The following NCS1 variants were observed in gnomAD, a reference collection of about 807,000 sequenced individuals.
NCS1 encodes frequenin homolog.
A neutral mutation model predicts 28.4 loss-of-function variants in NCS1; 6 were observed. The ratio of observed to expected loss-of-function variants is 0.21; its 90% CI spans 0.12 to 0.42. The LOEUF (loss-of-function observed/expected upper bound fraction) is 0.42, where lower values mean the gene tolerates loss of function less well. Among genes scored for constraint, NCS1 ranks in the 10% least tolerant of loss-of-function variants. The probability of loss-of-function intolerance (pLI) is 1.00; values close to 1 mark genes in which losing one functional copy is unlikely to be tolerated. For synonymous variants in NCS1, 86 were observed against 99.3 expected (o/e 0.87, Z 0.79); for missense variants, 131 against 241.4 (o/e 0.54, Z 3.03).
intron 2 of NCS1, among the ~76,000 whole-genome samples, chr9:130,213,854 C>T (rs886175053): frequency 1.3e-5 from 2 of 152,252 alleles, no homozygotes; most frequent in African/African-American, 4.8e-5. Flanking sequence ...GCTGGAATTA[C>T]AGGCGTGAGC....
chr9:130,220,753 CTTTTT>C (rs58649256), intron 4 of NCS1, among the ~76,000 whole-genome samples: 4 of 143,208 alleles, frequency 2.8e-5, no homozygotes, highest in Non-Finnish European at 4.6e-5. Context: ...TTCTTTCTTT[CTTTTT>C]TTTTTTTTTA....
intron 2 of NCS1, among the ~76,000 whole-genome samples, chr9:130,210,417 A>G (rs1410818145): frequency 7.0e-6 from 1 of 142,484 alleles, no homozygotes; most frequent in Non-Finnish European, 1.5e-5. Context: ...AAAAAAAAAG[A>G]AAGAAAGGGA....
intron 2 of NCS1, among the ~76,000 whole-genome samples, chr9:130,211,815 C>T (rs1355893996): frequency 3.9e-5 from 6 of 152,176 alleles, no homozygotes; most frequent in Non-Finnish European, 8.8e-5. Context: ...CTCAACAGCC[C>T]GTGGCCTGTC....
At chr9:130,197,956 CTT>C (rs541013502) in intron 1 of NCS1, among the ~76,000 whole-genome samples, 205 of 124,726 alleles carry the variant, frequency 1.6e-3, no homozygotes, top group African/African-American at 5.7e-3. Context: ...CAGAGCAAGA[CTT>C]TGTCTCCAGA....
rs1554905109 is a variant in NCS1, at chr9:130,181,119, T to C, written c.64+8392T>C. Among the ~76,000 whole-genome samples, 1 of 152,076 alleles carries C rather than the reference T, an allele frequency of 6.6e-6. No individual in the cohort carries two copies. Among genetic ancestry groups the C allele is most frequent in the East Asian group, 1.9e-4 (1 of 5,186 alleles). ...GTACCATGTTCAAATTCCCAGATAG[T>C]GAGACCCAGTGGGGAAGGTACGTCA... On this transcript the variant is annotated intron_variant, in intron 1 of 7. Coordinates refer to ENST00000372398, the MANE Select transcript of NCS1 (RefSeq NM_014286.4). The surrounding 1 kb of genome is among the most constrained non-coding windows in gnomAD (Gnocchi z 5.0).
intron 1 of NCS1, among the ~76,000 whole-genome samples, chr9:130,190,773 C>T (rs1458282043): frequency 6.6e-6 from 1 of 152,228 alleles, no homozygotes; most frequent in African/African-American, 2.4e-5. Context: ...ATCTCCACTC[C>T]TCCACCCCTG....
At chr9:130,176,287 G>T (rs1409460400) in intron 1 of NCS1, among the ~76,000 whole-genome samples, 1 of 150,838 alleles carries the variant, frequency 6.6e-6, no homozygotes, top group East Asian at 1.9e-4. Flanking sequence ...TGACCTCCTG[G>T]GTCCAAGCAA....
chr9:130,207,846 G>A (rs2097971852), intron 2 of NCS1, among the ~76,000 whole-genome samples: 1 of 152,192 alleles, frequency 6.6e-6, no homozygotes, highest in African/African-American at 2.4e-5. Context: ...TCTGTATTTG[G>A]CAGAGGGAGG....
chr9:130,195,524 A>G (rs1410522973), intron 1 of NCS1, among the ~76,000 whole-genome samples: 2 of 151,556 alleles, frequency 1.3e-5, no homozygotes, highest in Non-Finnish European at 2.9e-5. Flanking sequence ...CCTGGGTTCC[A>G]GCAATTCTCA....
At position 130,219,435 on chromosome 9, in the gene NCS1, C is replaced by T. The variant is rs1437615025; in HGVS notation, c.229-290C>T. On this transcript the variant is annotated intron_variant, in intron 3 of 7. Coordinates refer to ENST00000372398, the MANE Select transcript of NCS1 (RefSeq NM_014286.4). This position sits in a 1 kb window ranked among gnomAD's most constrained non-coding sequence, Gnocchi z 5.7. ...AGCTCAGGCATTGGTGCTTCTGGCA[C>T]CTTCTCCCATCAAGAGTGGAGTAAG... Among the ~76,000 whole-genome samples the T allele has an allele frequency of 2.6e-5, 4 of 152,166 alleles. No homozygotes were observed. Among genetic ancestry groups the T allele is most frequent in the Non-Finnish European group, 4.4e-5 (3 of 68,020 alleles).
intron 1 of NCS1, among the ~76,000 whole-genome samples, chr9:130,190,065 A>AGAGAGAGAGAGT (rs61046186): frequency 2.0e-5 from 3 of 146,540 alleles, no homozygotes; most frequent in Non-Finnish European, 4.5e-5. Flanking sequence ...AGAGAGAGAG[A>AGAGAGAGAGAGT]ATATATGTGG....
intron 2 of NCS1, among the ~76,000 whole-genome samples, chr9:130,213,301 G>A (rs531352478): frequency 3.9e-5 from 6 of 152,140 alleles, no homozygotes; most frequent in South Asian, 2.1e-4. Context: ...CTTTTGAGAC[G>A]GAGTCTCGCT....
rs1313935787 is a variant in NCS1 at position 130,209,057 on chromosome 9, G to A, written c.89+8075G>A. On this transcript the variant is annotated intron_variant, in intron 2 of 7. Transcript: ENST00000372398. The surrounding 1 kb of genome is among the most constrained non-coding windows in gnomAD (Gnocchi z 4.4). ...CATGGCTGTTTGGGACCCTCCTCCA[G>A]GTCTCCAGGGAGTGTGGGGAGGGGC... Among the ~76,000 whole-genome samples the A allele has an allele frequency of 6.6e-6, 1 of 152,214 alleles. No individual in the cohort carries two copies. The highest frequency in any genetic ancestry group is 1.5e-5 in the Non-Finnish European group (1 of 68,032).
chr9:130,201,939 C>A (rs1832953955), intron 2 of NCS1, among the ~76,000 whole-genome samples: 1 of 152,244 alleles, frequency 6.6e-6, no homozygotes, highest in Admixed American at 6.5e-5. Flanking sequence ...TGCCCGCCTT[C>A]CTTCCTGGGC....
chr9:130,200,416 T>G, intron 1 of NCS1: 1 of 663,922 alleles, frequency 1.5e-6, no homozygotes, highest in Non-Finnish European at 2.6e-6. Context: ...GTCTTGCCAG[T>G]GAAAGAGCCC....
chr9:130,228,049 A>C (rs1261953288), intron 7 of NCS1, among the ~76,000 whole-genome samples: 1 of 152,224 alleles, frequency 6.6e-6, no homozygotes, highest in East Asian at 1.9e-4. Flanking sequence ...AGACACCTGC[A>C]CAGGGCTGCC....
rs113200628 is a variant in NCS1 at position 130,176,368 on chromosome 9, A to AT, written c.64+3649dup. On this transcript the variant is annotated intron_variant, in intron 1 of 7. Coordinates refer to ENST00000372398, the MANE Select transcript of NCS1 (RefSeq NM_014286.4). ...ACACCACACCTGGCTAATTAAAAAC[A>AT]TTTTTTTTGTAGAGTTAGGGTCTTG... Among the ~76,000 whole-genome samples, 714 of 150,816 alleles carry AT rather than the reference A, an allele frequency of 4.7e-3. 8 individuals are homozygous for AT. Among genetic ancestry groups the AT allele is most frequent in the African/African-American group, 0.017 (680 of 41,170 alleles).
chr9:130,201,782 G>C (rs533690186), intron 2 of NCS1, among the ~76,000 whole-genome samples: 1 of 152,162 alleles, frequency 6.6e-6, no homozygotes, highest in African/African-American at 2.4e-5. Context: ...ATGCTGGCCC[G>C]CCTGGCTCTG....
chr9:130,218,552 C>T (rs144572534), intron 3 of NCS1, among the ~76,000 whole-genome samples: 11 of 152,136 alleles, frequency 7.2e-5, no homozygotes, highest in African/African-American at 2.4e-4. Context: ...TAATAATAAC[C>T]AATATTTCCT....
Sources: gnomAD v4.1 joint callset for allele counts (sites outside exome capture counted in the v4.1 genomes callset) on GRCh38, gnomAD v4.1.1 for gene constraint, Gnocchi (gnomAD v3.1) non-coding constraint, MANE v1.5 for transcripts, NCBI Gene and HGNC (gene_info 2026-07-23, HGNC 2026-07-21) for gene names.